RNF17: variants seen among roughly 807,000 people sequenced by gnomAD.
RNF17 encodes spermatogenesis associated 23.
Under a neutral mutation model 200.5 loss-of-function variants are expected in RNF17, and 31 were observed. The observed-to-expected ratio is 0.15, with a 90% confidence interval of 0.12 to 0.21. The LOEUF is 0.21. Among genes scored for constraint, RNF17 ranks in the 10% least tolerant of loss-of-function variants. RNF17 has a pLI of 1.00. For synonymous variants in RNF17, 606 were observed against 637.8 expected (o/e 0.95, Z 0.75); for missense variants, 1,628 against 1,905.1 (o/e 0.85, Z 2.71).
At chr13:24,820,480 G>C (rs879611682) in intron 15 of RNF17, among the ~76,000 whole-genome samples, 3 of 146,630 alleles carry the variant, frequency 2.0e-5, no homozygotes, top group South Asian at 2.2e-4. Context: ...CTGTCACCCA[G>C]GTTGGAGTAC....
At chr13:24,771,058 T>C (rs773422281) in intron 2 of RNF17, among the ~76,000 whole-genome samples, 2 of 152,226 alleles carry the variant, frequency 1.3e-5, no homozygotes, top group Non-Finnish European at 1.5e-5. Context: ...GTTTGACTTA[T>C]CAGTGCCTCT....
At chr13:24,767,226 T>TC (rs1209517155) in intron 1 of RNF17, 46 bp from the exon 2 acceptor site, 9 of 1,346,588 alleles carry the variant, frequency 6.7e-6, no homozygotes, top group African/African-American at 3.0e-5. Flanking sequence ...CCTGTCTCAA[T>TC]AATCATCATC....
chr13:24,766,308 GT>G (rs1446467879), intron 1 of RNF17, among the ~76,000 whole-genome samples: 1 of 152,168 alleles, frequency 6.6e-6, no homozygotes, highest in African/African-American at 2.4e-5. Context: ...TTTTTATCTA[GT>G]TTTTTTCCCT....
chr13:24,857,423 A>G (rs547604626), intron 25 of RNF17, among the ~76,000 whole-genome samples: 8 of 152,288 alleles, frequency 5.3e-5, no homozygotes, highest in African/African-American at 1.9e-4. Context: ...GAGAAGCAAT[A>G]TGAACCCGGT....
intron 18 of RNF17, among the ~76,000 whole-genome samples, chr13:24,836,949 CACCA>C (rs1486363572): frequency 5.3e-5 from 8 of 152,148 alleles, no homozygotes; most frequent in Non-Finnish European, 1.5e-5. Context: ...GGTAAGAACT[CACCA>C]ACCAACCATC....
upstream of RNF17, among the ~76,000 whole-genome samples, chr13:24,761,245 G>A (rs535889168): frequency 6.6e-6 from 1 of 152,036 alleles, no homozygotes; most frequent in South Asian, 2.1e-4. Flanking sequence ...TCAATAATTT[G>A]GTTTTAGAAT....
At chr13:24,836,747 A>C (rs1239219716) in intron 18 of RNF17, among the ~76,000 whole-genome samples, 2 of 152,196 alleles carry the variant, frequency 1.3e-5, no homozygotes, top group Non-Finnish European at 2.9e-5. Context: ...GAAATACATC[A>C]AAACAGAATC....
chr13:24,798,676 G>T (rs897658541), intron 11 of RNF17, among the ~76,000 whole-genome samples: 1 of 152,112 alleles, frequency 6.6e-6, no homozygotes, highest in East Asian at 1.9e-4. Flanking sequence ...CAGTACCTTC[G>T]TAGGGTTGTT....
intron 27 of RNF17, 116 bp downstream of exon 27, chr13:24,861,503 A>G: frequency 4.5e-6 from 3 of 664,534 alleles, no homozygotes; most frequent in Non-Finnish European, 6.8e-6. Flanking sequence ...AAAGTAATAA[A>G]ACACCAACAA....
chr13:24,801,338 A>G (rs970969077), intron 13 of RNF17, among the ~76,000 whole-genome samples: 1 of 152,170 alleles, frequency 6.6e-6, no homozygotes, highest in Non-Finnish European at 1.5e-5. Context: ...TAAATGTTCA[A>G]AGATCAACAT....
At chr13:24,822,785 T>G (rs920714896) in intron 15 of RNF17, among the ~76,000 whole-genome samples, 3 of 152,200 alleles carry the variant, frequency 2.0e-5, no homozygotes, top group African/African-American at 7.2e-5. Flanking sequence ...GAATATAAAA[T>G]GAAATGACAG....
Position 24,838,395 on chromosome 13 carries a change from A to G in RNF17, c.2483-3646A>G, listed in dbSNP as rs548081737. ...ACACAACCAAAAAAGAAAACTATAGACTGATATCCTTCATGAACATAGATG... is the reference window on the plus strand; with the variant it reads ...ACACAACCAAAAAAGAAAACTATAGGCTGATATCCTTCATGAACATAGATG... On this transcript the variant is annotated intron_variant, in intron 18 of 35. Transcript: ENST00000255324. Among the ~76,000 whole-genome samples, 3 of 152,256 alleles carry G rather than the reference A, an allele frequency of 2.0e-5. No individual in the cohort carries two copies. The South Asian group carries it at 6.2e-4, about 32-fold the overall frequency.
Position 24,793,338 on chromosome 13 carries a change from A to G in RNF17, c.1232A>G (p.Asn411Ser). 1 of 1,584,394 alleles carries G rather than the reference A, an allele frequency of 6.3e-7. No homozygotes were observed. The highest frequency in any genetic ancestry group is 8.6e-7 in the Non-Finnish European group (1 of 1,168,684). The change falls in exon 10 of 36, where the codon AAC becomes AGC. Residue 411 changes from asparagine to serine, a missense_variant. Coordinates refer to ENST00000255324, the MANE Select transcript of RNF17 (RefSeq NM_031277.3). Reference sequence around the variant, plus strand: ...ATAATTGAAGAAATTATTGAAGACAACGTGGAAAGTAAGTTAAAATGTAAA... The same window carrying G: ...ATAATTGAAGAAATTATTGAAGACAGCGTGGAAAGTAAGTTAAAATGTAAA... ...DVIIEEIIED[N>S]VESSAELVFV... is the part of the protein sequence containing the mutation.
At chr13:24,775,441 G>A (rs184218051) in intron 3 of RNF17, among the ~76,000 whole-genome samples, 2 of 152,164 alleles carry the variant, frequency 1.3e-5, no homozygotes, top group African/African-American at 4.8e-5. Context: ...TGTAGGCATG[G>A]AGTCTCATTG....
chr13:24,886,127 AAC>A, the RNF17 span: 1 of 413,794 alleles, frequency 2.4e-6, no homozygotes, highest in Non-Finnish European at 4.7e-6. Context: ...TTACAAAATA[AAC>A]ACGCCCCCAC....
rs761426824 is a variant in RNF17 at position 24,789,739 on chromosome 13, A to G, written c.902A>G (p.Asn301Ser). The change falls in exon 9 of 36, where the codon AAT (asparagine) becomes AGT (serine). Residue 301 changes from asparagine to serine, a missense_variant. By Grantham distance (46) the Asn-to-Ser change is conservative. Around this residue, in one of 5 missense-constraint regions of RNF17, gnomAD observed 502 missense variants for 501.7 expected, o/e 1.00. Coordinates refer to ENST00000255324, the MANE Select transcript of RNF17 (RefSeq NM_031277.3). ...NCSEIICMFNNMGKIEFRDST... is the reference protein window; with the variant it reads ...NCSEIICMFNSMGKIEFRDST... ...AGTGAGATCATCTGTATGTTCAACA[A>G]TATGGGAAAGATTGAATTTAGGGAC... 21 of 1,601,746 alleles carry G rather than the reference A, an allele frequency of 1.3e-5. No individual in the cohort carries two copies. The highest frequency in any genetic ancestry group is 5.5e-5 in the South Asian group (5 of 90,680).
chr13:24,756,090 T>C, the RNF17 span, among the ~76,000 whole-genome samples: 3 of 152,190 alleles, frequency 2.0e-5, no homozygotes, highest in Non-Finnish European at 4.4e-5. Flanking sequence ...ATAAGTATCT[T>C]CTCTCTTTAG....
chr13:24,789,014 T>TA (rs936231966), intron 7 of RNF17, among the ~76,000 whole-genome samples: 1 of 152,120 alleles, frequency 6.6e-6, no homozygotes, highest in Non-Finnish European at 1.5e-5. Flanking sequence ...AAAAAAATGA[T>TA]AAAATTTGGT....
chr13:24,886,204 G>A, the RNF17 span: 1 of 728,278 alleles, frequency 1.4e-6, no homozygotes. Context: ...TTCATCCTAT[G>A]TGCCAATGGA....
Sources: gnomAD v4.1 joint callset for allele counts (sites outside exome capture counted in the v4.1 genomes callset) on GRCh38, gnomAD v4.1.1 for gene constraint, gnomAD v4.1.1 regional missense constraint, MANE v1.5 for transcripts, NCBI Gene and HGNC (gene_info 2026-07-23, HGNC 2026-07-21) for gene names.